The following KCNC4 variants were observed in gnomAD, a reference collection of about 807,000 sequenced individuals.
KCNC4 encodes the protein potassium voltage-gated channel subfamily C member 4.
Under a neutral mutation model 42.8 loss-of-function variants are expected in KCNC4, and 23 were observed. The observed-to-expected ratio is 0.54, with a 90% CI of 0.39 to 0.76. KCNC4 has a LOEUF of 0.76. KCNC4 is among the 30% of genes least tolerant of loss of function. KCNC4 has a pLI of 0.00. For synonymous variants in KCNC4, 422 were observed against 393.5 expected (o/e 1.07, Z -0.86); for missense variants, 751 against 898.2 (o/e 0.84, Z 2.10).
intron 1 of KCNC4, among the ~76,000 whole-genome samples, chr1:110,266,061 A>G (rs747441932): frequency 2.6e-5 from 4 of 152,208 alleles, no homozygotes; most frequent in Non-Finnish European, 5.9e-5. Flanking sequence ...TGAAGGCAGA[A>G]GAGGCACTGT....
intron 1 of KCNC4, among the ~76,000 whole-genome samples, chr1:110,254,363 TG>T (rs1000756783): frequency 1.3e-5 from 2 of 152,230 alleles, no homozygotes; most frequent in African/African-American, 4.8e-5. Flanking sequence ...AGGGTCACTG[TG>T]GCATCTTCAT....
Position 110,265,407 on chromosome 1 carries a change from TAAAATAAAA to T in KCNC4, n.31-17126_31-17118del, listed in dbSNP as rs1659524333. Among the ~76,000 whole-genome samples the T allele has an allele frequency of 3.1e-5, 3 of 96,866 alleles. No homozygotes were observed. The East Asian group carries it at 8.2e-4, about 26-fold the overall frequency. The allele number at this position is 96,866 out of a possible 152,430, so 63.5% of individuals were successfully genotyped here. A position where few individuals can be genotyped will look rare whatever the true frequency, so the allele number is the denominator to read the frequency against. ...TAAAATAAAATAAAATAAAATAAAA[TAAAATAAAA>T]TAAAATATTCCCCACCCAGAGGATG... On this transcript the variant is annotated intron_variant and non_coding_transcript_variant, in intron 1 of 2. Coordinates refer to the KCNC4 transcript ENST00000412512.
At chr1:110,212,516 C>T (rs1018922374) in intron 1 of KCNC4, among the ~76,000 whole-genome samples, 1 of 152,186 alleles carries the variant, frequency 6.6e-6, no homozygotes, top group Non-Finnish European at 1.5e-5. Context: ...TCTTCAGCTG[C>T]CCTCCACTCC....
chr1:110,255,158 G>A (rs1380022940), intron 1 of KCNC4, among the ~76,000 whole-genome samples: 1 of 152,244 alleles, frequency 6.6e-6, no homozygotes, highest in Non-Finnish European at 1.5e-5. Flanking sequence ...CTGGCACAGA[G>A]CCTGGAGCAG....
At chr1:110,263,846 C>T (rs1283526113) in intron 1 of KCNC4, among the ~76,000 whole-genome samples, 1 of 151,624 alleles carries the variant, frequency 6.6e-6, no homozygotes, top group Non-Finnish European at 1.5e-5. Flanking sequence ...GAATGGGGGT[C>T]TCCATTTGGG....
In KCNC4 at chr1:110,271,988, C is replaced by T. The variant is rs145692814; in HGVS notation, n.31-10546C>T. 2.5e-3 allele frequency among the ~76,000 whole-genome samples: 383 copies of T among 152,292 alleles called. 1 individual carries two copies. Among genetic ancestry groups the T allele is most frequent in the African/African-American group, 8.9e-3 (368 of 41,558 alleles). ...TCCACACCATGATGGACAGATCCCC[C>T]CTTCCCGCCACAATTTTCCCTAAAG... is the stretch of plus-strand genomic sequence containing the variant. On this transcript the variant is annotated intron_variant and non_coding_transcript_variant, in intron 1 of 2. Coordinates refer to the KCNC4 transcript ENST00000412512.
chr1:110,244,681 G>T (rs907485388), exon 4 of KCNC4: 1 of 152,256 alleles, frequency 6.6e-6, no homozygotes, highest in African/African-American at 2.4e-5. Flanking sequence ...GAGCCAAGTG[G>T]CCCCCAGAGC....
Position 110,211,748 on chromosome 1 carries a change from C to T in KCNC4, c.249C>T (p.Ser83=), listed in dbSNP as rs1025221723. The T allele has an allele frequency of 1.2e-6, 2 of 1,608,184 alleles. No individual in the cohort carries two copies. Among genetic ancestry groups the T allele is most frequent in the Non-Finnish European group, 1.7e-6 (2 of 1,178,426 alleles). ...RPETDGGGVG[S]SGSSGGGGCE... ...AGACCGATGGCGGCGGTGTGGGTAG[C>T]AGCGGCAGCAGCGGCGGCGGGGGCT... Residue 83 remains serine, a synonymous_variant, in exon 1 of 4, where the codon AGC becomes AGT. Transcript: ENST00000438661. The surrounding 1 kb of genome is among the most constrained non-coding windows in gnomAD (Gnocchi z 6.5).
At chr1:110,218,715 CAT>C (rs1237031091) in intron 1 of KCNC4, among the ~76,000 whole-genome samples, 2 of 152,176 alleles carry the variant, frequency 1.3e-5, no homozygotes, top group Non-Finnish European at 2.9e-5. Flanking sequence ...ATGCAGGTCT[CAT>C]ATGCAGTCAG....
At position 110,223,317 on chromosome 1, in the gene KCNC4, C is replaced by T. The variant is rs937183446; in HGVS notation, c.1032C>T (p.Gly344=). Reference sequence around the variant, plus strand: ...CCAAGGCGGCCCGCGACGTGCTGGGCTTCCTGCGCGTGGTGCGCTTCGTGC... The same window carrying T: ...CCAAGGCGGCCCGCGACGTGCTGGGTTTCCTGCGCGTGGTGCGCTTCGTGC... ...LSSKAARDVL[G]FLRVVRFVRI... Residue 344 remains glycine (G), a synonymous_variant, in exon 2 of 4, where the codon GGC becomes GGT. Transcript: ENST00000438661. This position sits in a 1 kb window ranked among gnomAD's most constrained non-coding sequence, Gnocchi z 7.5. 5 of 1,613,994 alleles carry T rather than the reference C, an allele frequency of 3.1e-6. No homozygotes were observed. In the African/African-American group the frequency reaches 4.0e-5, roughly 13 times the overall value.
intron 1 of KCNC4, chr1:110,220,658 A>G (rs1310166807): frequency 1.3e-5 from 2 of 151,986 alleles, no homozygotes; most frequent in Non-Finnish European, 2.9e-5. Flanking sequence ...CCTGCCCCTT[A>G]CCTCAACCAC....
Position 110,211,837 on chromosome 1 carries a change from G to A in KCNC4, c.338G>A (p.Gly113Asp). 6.2e-7 allele frequency: 1 copy of A among 1,611,710 alleles called. No homozygotes were observed. ...TACGTGCTCAACTACTACCGCACCG[G>A]CAAGCTGCACTGCCCCGCGGACGTG... ...FAYVLNYYRT[G>D]KLHCPADVCG... The change falls in exon 1 of 4, where the codon GGC becomes GAC. Residue 113 changes from glycine (G) to aspartate (D), a missense_variant. Gly to Asp is a moderately conservative substitution (Grantham distance 94, BLOSUM62 -1). Transcript: ENST00000438661. This position sits in a 1 kb window ranked among gnomAD's most constrained non-coding sequence, Gnocchi z 6.5.
chr1:110,258,261 C>T (rs188813061), intron 1 of KCNC4, among the ~76,000 whole-genome samples: 198 of 152,080 alleles, frequency 1.3e-3, no homozygotes, highest in Non-Finnish European at 2.3e-3. Flanking sequence ...TTTTTTGAGA[C>T]GGAGTCTTGC....
chr1:110,251,764 G>A (rs1418036375), downstream of KCNC4, among the ~76,000 whole-genome samples: 3 of 152,204 alleles, frequency 2.0e-5, no homozygotes, highest in Admixed American at 2.0e-4. Flanking sequence ...CCTATGAGAG[G>A]AGCAGGGCAG....
intron 3 of KCNC4, among the ~76,000 whole-genome samples, chr1:110,227,101 C>G (rs1472435679): frequency 1.3e-5 from 2 of 152,226 alleles, no homozygotes; most frequent in African/African-American, 4.8e-5. Flanking sequence ...AACCCTGACT[C>G]CCTCCAAAAC....
downstream of KCNC4, chr1:110,235,248 C>T (rs1270043755): frequency 2.0e-5 from 3 of 152,096 alleles, no homozygotes; most frequent in African/African-American, 7.2e-5. Flanking sequence ...CTGGGCCAGC[C>T]GAGGCAAGGG....
chr1:110,227,032 C>T (rs1365691154), intron 3 of KCNC4, among the ~76,000 whole-genome samples: 1 of 152,204 alleles, frequency 6.6e-6, no homozygotes, highest in Non-Finnish European at 1.5e-5. Context: ...ACTTATTCGT[C>T]TCTCTTGCCC....
At chr1:110,249,172 T>C (rs1354420236), downstream of KCNC4, 1 of 152,152 alleles carries the variant, frequency 6.6e-6, no homozygotes, top group Non-Finnish European at 1.5e-5. Flanking sequence ...CAACCCTAAC[T>C]GCTTCTCACC....
chr1:110,222,354 A>T (rs940129597), intron 1 of KCNC4: 1 of 153,812 alleles, frequency 6.5e-6, no homozygotes, highest in African/African-American at 2.4e-5. Flanking sequence ...GTGCATTAGG[A>T]TTACTTAGAA....
Sources: gnomAD v4.1 joint callset for allele counts (sites outside exome capture counted in the v4.1 genomes callset) on GRCh38, gnomAD v4.1.1 for gene constraint, Gnocchi (gnomAD v3.1) non-coding constraint, MANE v1.5 for transcripts, NCBI Gene and HGNC (gene_info 2026-07-23, HGNC 2026-07-21) for gene names.